GRM5: variants seen among roughly 807,000 people sequenced by gnomAD.
GRM5 encodes the protein glutamate metabotropic receptor 5, also known as metabotropic glutamate receptor 5.
In GRM5, 19 loss-of-function variants were observed where a neutral mutation model predicts 83.1. The ratio of observed to expected loss-of-function variants is 0.23; its 90% CI spans 0.16 to 0.34. The LOEUF is 0.34. Ranked by LOEUF, GRM5 falls within the 10% of genes least tolerant of loss-of-function variation. The pLI is 1.00. For synonymous variants in GRM5, 675 were observed against 633.6 expected (o/e 1.07, Z -0.98); for missense variants, 1,160 against 1,588.3 (o/e 0.73, Z 4.58).
intron 2 of GRM5, among the ~76,000 whole-genome samples, chr11:88,909,160 T>A (rs1945452642): frequency 1.3e-5 from 2 of 152,154 alleles, no homozygotes; most frequent in South Asian, 4.1e-4. Context: ...TTGTCCTTGT[T>A]CCTTGAGTAT....
At chr11:89,045,975 A>T (rs980812536) in intron 2 of GRM5, among the ~76,000 whole-genome samples, 9 of 152,094 alleles carry the variant, frequency 5.9e-5, no homozygotes, top group Admixed American at 3.9e-4. Context: ...ACCACAGAGG[A>T]GGAGGTGATT....
chr11:88,851,629 A>T (rs1944391680), intron 2 of GRM5, among the ~76,000 whole-genome samples: 1 of 152,206 alleles, frequency 6.6e-6, no homozygotes. Flanking sequence ...CTTAGTTTGA[A>T]CACAAATCTC....
intron 4 of GRM5, among the ~76,000 whole-genome samples, chr11:88,632,247 C>CTTTTTTTT: frequency 9.0e-6 from 1 of 110,974 alleles, no homozygotes. Context: ...ACAGTATGTA[C>CTTTTTTTT]TTTTTTTTTT....
intron 8 of GRM5, among the ~76,000 whole-genome samples, chr11:88,560,602 A>G (rs929674747): frequency 6.6e-6 from 1 of 152,112 alleles, no homozygotes; most frequent in African/African-American, 2.4e-5. Context: ...CTGGCCCATC[A>G]AGTCAGCAAA....
intron 3 of GRM5, among the ~76,000 whole-genome samples, chr11:88,765,624 T>TCC (rs1942613021): frequency 2.6e-5 from 4 of 151,622 alleles, no homozygotes; most frequent in Admixed American, 1.3e-4. Flanking sequence ...GATGCTTGGA[T>TCC]AACTGGATAT....
chr11:88,733,497 A>C (rs184613339), intron 3 of GRM5, among the ~76,000 whole-genome samples: 3 of 152,154 alleles, frequency 2.0e-5, no homozygotes, highest in Admixed American at 2.0e-4. Flanking sequence ...TTTTCAATTT[A>C]AGCATGTTGG....
At chr11:88,730,287 G>A (rs1941778165) in intron 3 of GRM5, among the ~76,000 whole-genome samples, 1 of 152,100 alleles carries the variant, frequency 6.6e-6, no homozygotes, top group Non-Finnish European at 1.5e-5. Flanking sequence ...CATCATCACT[G>A]GTCATTAGAG....
At chr11:88,852,870 C>A (rs1213340510) in intron 2 of GRM5, among the ~76,000 whole-genome samples, 1 of 151,816 alleles carries the variant, frequency 6.6e-6, no homozygotes, top group African/African-American at 2.4e-5. Context: ...ACACTGTATT[C>A]TATAATTATA....
chr11:88,909,863 C>T (rs1945466660), intron 2 of GRM5, among the ~76,000 whole-genome samples: 1 of 152,094 alleles, frequency 6.6e-6, no homozygotes, highest in African/African-American at 2.4e-5. Flanking sequence ...ACGATTTTTC[C>T]TGCTACTTGT....
chr11:88,615,440 C>T (rs1474178222), intron 4 of GRM5, among the ~76,000 whole-genome samples: 1 of 151,924 alleles, frequency 6.6e-6, no homozygotes, highest in Non-Finnish European at 1.5e-5. Flanking sequence ...CATAGAAATC[C>T]AAGTTTAAAT....
intron 2 of GRM5, among the ~76,000 whole-genome samples, chr11:88,929,168 G>T (rs1937629828): frequency 6.6e-6 from 1 of 151,888 alleles, no homozygotes; most frequent in Non-Finnish European, 1.5e-5. Flanking sequence ...ATAGGTCCTT[G>T]GTTCTGGCTT....
intron 2 of GRM5, among the ~76,000 whole-genome samples, chr11:88,992,219 C>A (rs926267828): frequency 8.5e-5 from 13 of 152,120 alleles, no homozygotes; most frequent in African/African-American, 2.9e-4. Flanking sequence ...TATGAACAGA[C>A]ACTTCTCAAA....
chr11:88,738,142 GTTATT>G (rs1941957919), intron 3 of GRM5, among the ~76,000 whole-genome samples: 1 of 151,786 alleles, frequency 6.6e-6, no homozygotes, highest in African/African-American at 2.4e-5. Context: ...TGTATTTTAT[GTTATT>G]TTATTATTTG....
At chr11:88,644,983 G>C (rs994772562) in intron 4 of GRM5, among the ~76,000 whole-genome samples, 1 of 152,020 alleles carries the variant, frequency 6.6e-6, no homozygotes, top group African/African-American at 2.4e-5. Context: ...TAAACACTTA[G>C]ACAGTAAAGC....
At chr11:88,853,173 C>T (rs1256568776) in intron 2 of GRM5, among the ~76,000 whole-genome samples, 1 of 152,048 alleles carries the variant, frequency 6.6e-6, no homozygotes, top group East Asian at 1.9e-4. Flanking sequence ...TAATCATAGC[C>T]CAATGTCTTC....
chr11:88,795,021 T>C (rs959784837), intron 3 of GRM5, among the ~76,000 whole-genome samples: 2 of 152,152 alleles, frequency 1.3e-5, no homozygotes, highest in African/African-American at 4.8e-5. Flanking sequence ...CAAAATGCAA[T>C]AAGTAGAACT....
At chr11:88,618,427 T>A (rs1938542215) in intron 4 of GRM5, among the ~76,000 whole-genome samples, 1 of 152,212 alleles carries the variant, frequency 6.6e-6, no homozygotes, top group African/African-American at 2.4e-5. Flanking sequence ...TATATTCAAT[T>A]CTTTTTTCTT....
At chr11:88,780,054 T>C (rs770992550) in intron 3 of GRM5, among the ~76,000 whole-genome samples, 2 of 152,176 alleles carry the variant, frequency 1.3e-5, no homozygotes, top group African/African-American at 2.4e-5. Context: ...ATTTTTCAGA[T>C]CTCAACTCTT....
chr11:88,676,360 C>T (rs546154137), intron 3 of GRM5, among the ~76,000 whole-genome samples: 1 of 152,078 alleles, frequency 6.6e-6, no homozygotes, highest in East Asian at 1.9e-4. Flanking sequence ...TATGCCTATG[C>T]TATCATTTGA....
Sources: gnomAD v4.1 joint callset for allele counts (sites outside exome capture counted in the v4.1 genomes callset) on GRCh38, gnomAD v4.1.1 for gene constraint, MANE v1.5 for transcripts, NCBI Gene and HGNC (gene_info 2026-07-23, HGNC 2026-07-21) for gene names.